SENP2: variants seen among roughly 807,000 people sequenced by gnomAD.
SENP2 encodes sentrin-specific protease 2.
A neutral mutation model predicts 86.3 loss-of-function variants in SENP2; 16 were observed. The ratio of observed to expected loss-of-function variants is 0.19; its 90% confidence interval spans 0.13 to 0.28. The LOEUF is 0.28. Among genes scored for constraint, SENP2 ranks in the 10% least tolerant of loss-of-function variants. The pLI, the probability that SENP2 is intolerant of heterozygous loss-of-function variation, is 1.00. For missense variants in SENP2, 552 were observed against 703.0 expected (o/e 0.79, Z 2.43); for synonymous variants, 222 against 238.7 (o/e 0.93, Z 0.64).
At chr3:185,629,691 C>A in intron 16 of SENP2, 91 bp from the exon 17 acceptor site, 1 of 1,231,808 alleles carries the variant, frequency 8.1e-7, no homozygotes, top group Non-Finnish European at 1.2e-6. Flanking sequence ...AGCACATGGA[C>A]ATCCTGCTTT....
intron 2 of SENP2, among the ~76,000 whole-genome samples, chr3:185,595,000 A>G (rs1365251234): frequency 6.6e-6 from 1 of 152,202 alleles, no homozygotes; most frequent in Non-Finnish European, 1.5e-5. Context: ...CTGGGATTAC[A>G]GGTGTGAGCC....
chr3:185,612,662 C>G lies in SENP2; in HGVS notation c.869+4C>G. The G allele has an allele frequency of 2.5e-6, 4 of 1,593,220 alleles. No homozygotes were observed. Among genetic ancestry groups the G allele is most frequent in the Non-Finnish European group, 2.6e-6 (3 of 1,161,532 alleles). On this transcript the variant is annotated splice_donor_region_variant and intron_variant, in intron 9 of 16. Coordinates refer to ENST00000296257, the MANE Select transcript of SENP2 (RefSeq NM_021627.3). Reference sequence around the variant, plus strand: ...GTTCATTGAGAAGTGAAAAGAGGTACGTACATTCAGTTCATTCTACACTTT... The same window carrying G: ...GTTCATTGAGAAGTGAAAAGAGGTAGGTACATTCAGTTCATTCTACACTTT...
At chr3:185,598,164 T>C (rs967532000) in intron 2 of SENP2, among the ~76,000 whole-genome samples, 5 of 151,664 alleles carry the variant, frequency 3.3e-5, no homozygotes, top group African/African-American at 1.2e-4. Context: ...AGGCGTGTGA[T>C]ACCATCCGCA....
intron 4 of SENP2, 125 bp downstream of exon 4, chr3:185,599,149 T>A: frequency 1.5e-6 from 1 of 674,964 alleles, no homozygotes; most frequent in Non-Finnish European, 2.5e-6. Flanking sequence ...CTTTCTACCG[T>A]TCTAAAAAGC....
At chr3:185,606,286 A>T in intron 5 of SENP2, 44 bp from the exon 6 acceptor site, 1 of 1,535,382 alleles carries the variant, frequency 6.5e-7, no homozygotes, top group South Asian at 1.3e-5. Flanking sequence ...CAGCAATTTA[A>T]GCAGCTTGGT....
chr3:185,626,125 C>T (rs1489407483), intron 15 of SENP2, among the ~76,000 whole-genome samples, 173 bp from the exon 16 acceptor site: 1 of 152,178 alleles, frequency 6.6e-6, no homozygotes, highest in Non-Finnish European at 1.5e-5. Context: ...TGTTTTATAC[C>T]ACATAGAGTA....
chr3:185,617,310 A>C (rs903468799), intron 11 of SENP2, among the ~76,000 whole-genome samples, 170 bp from the exon 12 acceptor site: 1 of 152,202 alleles, frequency 6.6e-6, no homozygotes, highest in Non-Finnish European at 1.5e-5. Flanking sequence ...TATCACTAAA[A>C]ATAAGAAAAA....
Position 185,586,379 on chromosome 3 carries a change from G to C in SENP2, c.-35G>C. 1 of 1,612,686 alleles carries C rather than the reference G, an allele frequency of 6.2e-7. No individual in the cohort carries two copies. On this transcript the variant is annotated 5_prime_UTR_variant, in exon 1 of 17. Coordinates refer to ENST00000296257, the MANE Select transcript of SENP2 (RefSeq NM_021627.3). The surrounding 1 kb of genome is among the most constrained non-coding windows in gnomAD (Gnocchi z 4.3). Reference sequence around the variant, plus strand: ...CGACAGCTCTGGGGTTTGCGTCTCGGGGTGTGTCGGCCGCCGCTGCTGCTT... The same window carrying C: ...CGACAGCTCTGGGGTTTGCGTCTCGCGGTGTGTCGGCCGCCGCTGCTGCTT...
intron 2 of SENP2, among the ~76,000 whole-genome samples, chr3:185,594,267 AT>A (rs1430873066): frequency 6.6e-6 from 1 of 152,096 alleles, no homozygotes; most frequent in Non-Finnish European, 1.5e-5. Context: ...AGGATCACTT[AT>A]TGCATCATTC....
chr3:185,591,152 G>A (rs1436821667), intron 2 of SENP2, among the ~76,000 whole-genome samples: 5 of 150,938 alleles, frequency 3.3e-5, no homozygotes, highest in Non-Finnish European at 5.9e-5. Context: ...TGATCTGCCC[G>A]CCTCGGCCTC....
intron 2 of SENP2, among the ~76,000 whole-genome samples, chr3:185,593,886 G>T (rs1722090273): frequency 6.6e-6 from 1 of 151,730 alleles, no homozygotes; most frequent in South Asian, 2.1e-4. Flanking sequence ...CCACCACTAT[G>T]CCCGGCTAAT....
At position 185,617,521 on chromosome 3, in the gene SENP2, A is replaced by T. The variant is rs1711667002; in HGVS notation, c.1152A>T (p.Pro384=). The change falls in exon 12 of 17, where the codon CCA becomes CCT. Residue 384 remains proline, a synonymous_variant. Coordinates refer to ENST00000296257, the MANE Select transcript of SENP2 (RefSeq NM_021627.3). The part of the protein sequence containing the change: ...KEISNALGHG[P]QDEILSSAFK... ...TCAGTAATGCCCTAGGCCATGGCCC[A>T]CAGGATGAAATCCTAAGTAGTGCTT... is the stretch of plus-strand genomic sequence containing the variant. 6.2e-7 allele frequency: 1 copy of T among 1,613,850 alleles called. No homozygotes were observed. The highest frequency in any genetic ancestry group is 8.5e-7 in the Non-Finnish European group (1 of 1,179,772).
chr3:185,623,235 G>A (rs1181420869), intron 14 of SENP2, among the ~76,000 whole-genome samples: 3 of 151,980 alleles, frequency 2.0e-5, no homozygotes, highest in Admixed American at 6.6e-5. Flanking sequence ...TCTGTCTCCC[G>A]GGTTCAAGAG....
chr3:185,599,247 G>A (rs1266003520), intron 4 of SENP2, among the ~76,000 whole-genome samples: 1 of 151,864 alleles, frequency 6.6e-6, no homozygotes, highest in Non-Finnish European at 1.5e-5. Context: ...CTTAGATCAA[G>A]GTCATATTAA....
At chr3:185,624,194 C>A in intron 15 of SENP2, 112 bp downstream of exon 15, 1 of 640,458 alleles carries the variant, frequency 1.6e-6, no homozygotes, top group Non-Finnish European at 2.7e-6. Context: ...TTTTAAAGTA[C>A]ACATCTTTTT....
intron 12 of SENP2, 23 bp from the exon 13 acceptor site, chr3:185,619,276 T>C: frequency 6.4e-7 from 1 of 1,555,074 alleles, no homozygotes; most frequent in Non-Finnish European, 8.9e-7. Context: ...TGTTCCAGCT[T>C]TTGCTCCCTT....
intron 5 of SENP2, among the ~76,000 whole-genome samples, chr3:185,603,814 T>C (rs1271938867): frequency 6.6e-6 from 1 of 152,200 alleles, no homozygotes; most frequent in Admixed American, 6.5e-5. Flanking sequence ...TGGTTTTCAT[T>C]TTCATTCAAT....
rs1476054950 is a variant in SENP2, at chr3:185,611,738, A to G, written c.810A>G (p.Pro270=). 2.5e-6 allele frequency: 4 copies of G among 1,611,116 alleles called. No homozygotes were observed. The highest frequency in any genetic ancestry group is 3.4e-6 in the Non-Finnish European group (4 of 1,177,884). ...GAGTCAAAACAACTCAGTTTGTTCC[A>G]AAACAATGTGAGTTCCCAGATTTAG... ...NHGVKTTQFV[P]KQYRLVETRG... is the part of the protein sequence containing the mutation. Residue 270 remains proline, a synonymous_variant, in exon 8 of 17, where the codon CCA becomes CCG. Coordinates refer to ENST00000296257, the MANE Select transcript of SENP2 (RefSeq NM_021627.3).
chr3:185,624,263 G>A (rs950096364), intron 15 of SENP2, among the ~76,000 whole-genome samples, 181 bp downstream of exon 15: 1 of 151,038 alleles, frequency 6.6e-6, no homozygotes. Flanking sequence ...GGCTAGTCTC[G>A]GGCCTCCCAA....
Sources: allele counts gnomAD v4.1 joint callset (sites outside exome capture counted in the v4.1 genomes callset), GRCh38; gene constraint gnomAD v4.1.1; non-coding constraint Gnocchi (gnomAD v3.1); transcripts MANE v1.5; gene names NCBI Gene and HGNC (gene_info 2026-07-23, HGNC 2026-07-21).